Variants in NDUFA10 observed in about 807,000 individuals in gnomAD.
NDUFA10 encodes the protein NADH dehydrogenase [ubiquinone] 1 alpha subcomplex subunit 10, mitochondrial.
NDUFA10 carries 40 observed loss-of-function variants against 47.8 expected under a neutral mutation model. That is an observed-to-expected ratio of 0.84 (90% CI 0.65 to 1.09). The LOEUF (loss-of-function observed/expected upper bound fraction) is 1.09, where lower values mean the gene tolerates loss of function less well. Ranked by LOEUF, NDUFA10 falls within the 50% of genes least tolerant of loss-of-function variation. The pLI, the probability that NDUFA10 is intolerant of heterozygous loss-of-function variation, is 0.00. For missense variants in NDUFA10, 413 were observed against 451.1 expected, an observed-to-expected ratio of 0.92 and a Z score of 0.76; for synonymous variants, 183 against 172.2, an observed-to-expected ratio of 1.06 and a Z score of -0.49.
At chr2:239,937,973 G>A (rs1020994265) in intron 4 of NDUFA10, among the ~76,000 whole-genome samples, 11 of 152,158 alleles carry the variant, frequency 7.2e-5, no homozygotes, top group African/African-American at 2.7e-4. Flanking sequence ...ACCGAGCCAT[G>A]GTTTAAATCC....
chr2:239,981,062 C>G (rs536428798), intron 9 of NDUFA10, among the ~76,000 whole-genome samples: 1 of 152,376 alleles, frequency 6.6e-6, no homozygotes, highest in East Asian at 1.9e-4. Context: ...CCTCAGGAAT[C>G]TGAGGCCTGG....
chr2:239,965,414 C>T (rs1695018968), intron 9 of NDUFA10, among the ~76,000 whole-genome samples: 1 of 152,156 alleles, frequency 6.6e-6, no homozygotes, highest in Admixed American at 6.5e-5. Context: ...AATAAGCCTT[C>T]CACCCCCAAA....
At chr2:239,988,768 G>A (rs1329644936) in intron 9 of NDUFA10, among the ~76,000 whole-genome samples, 2 of 152,236 alleles carry the variant, frequency 1.3e-5, no homozygotes, top group Non-Finnish European at 1.5e-5. Flanking sequence ...GTTGATGCCA[G>A]GGAAGCAGCA....
rs1693653613 is a variant in NDUFA10, at chr2:239,906,241, T to C, written c.295-10927A>G. 6.6e-6 allele frequency among the ~76,000 whole-genome samples: 1 copy of C among 152,212 alleles called. No individual in the cohort carries two copies. The highest frequency in any genetic ancestry group is 2.4e-5 in the African/African-American group (1 of 41,440). On this transcript the variant is annotated intron_variant, in intron 4 of 5. Transcript: ENST00000419408. This position sits in a 1 kb window ranked among gnomAD's most constrained non-coding sequence, Gnocchi z 4.3. ...AATATTACCCGGAAGGAAGTCAGTA[T>C]ATAATTAAAAGTCATTTAATCATCT...
intron 9 of NDUFA10, chr2:239,969,329 C>T (rs1695216276): frequency 5.9e-6 from 1 of 169,300 alleles, no homozygotes; most frequent in Non-Finnish European, 1.3e-5. Context: ...AAACAGGATT[C>T]CTAAAACACA....
chr2:239,905,186 T>A (rs962798771), intron 4 of NDUFA10, among the ~76,000 whole-genome samples: 1 of 152,174 alleles, frequency 6.6e-6, no homozygotes, highest in Non-Finnish European at 1.5e-5. Flanking sequence ...TGCCCGGGCC[T>A]GTTGGGGTCC....
chr2:239,946,136 G>A (rs1321260754), intron 4 of NDUFA10, among the ~76,000 whole-genome samples: 1 of 152,140 alleles, frequency 6.6e-6, no homozygotes, highest in Non-Finnish European at 1.5e-5. Context: ...GTGACTTCTC[G>A]AAGTCGAGGA....
intron 1 of NDUFA10, among the ~76,000 whole-genome samples, chr2:240,023,808 C>A (rs1353744578): frequency 6.6e-6 from 1 of 152,196 alleles, no homozygotes; most frequent in Admixed American, 6.5e-5. Flanking sequence ...GCAAAGCAGA[C>A]AACCCAATTT....
At chr2:239,998,394 G>A (rs1696566790) in intron 8 of NDUFA10, among the ~76,000 whole-genome samples, 2 of 152,178 alleles carry the variant, frequency 1.3e-5, no homozygotes, top group South Asian at 2.1e-4. Flanking sequence ...TCCTAGGTTC[G>A]GATTTGCCTC....
chr2:240,024,735 G>C (rs1369587506), intron 1 of NDUFA10, among the ~76,000 whole-genome samples: 1 of 152,230 alleles, frequency 6.6e-6, no homozygotes, highest in Admixed American at 6.5e-5. Flanking sequence ...CGATTTCACT[G>C]AAGAAGGTGG....
At chr2:239,908,646 G>A (rs748871795) in intron 4 of NDUFA10, among the ~76,000 whole-genome samples, 3 of 152,204 alleles carry the variant, frequency 2.0e-5, no homozygotes, top group Non-Finnish European at 2.9e-5. Context: ...CCACCAATGC[G>A]CTGTTAGGAA....
chr2:239,947,817 G>A (rs940895682), intron 4 of NDUFA10, among the ~76,000 whole-genome samples: 1 of 152,180 alleles, frequency 6.6e-6, no homozygotes, highest in African/African-American at 2.4e-5. Context: ...CCACGGCAGC[G>A]ACATAACCTG....
At chr2:239,999,154 T>C (rs906073911) in intron 8 of NDUFA10, among the ~76,000 whole-genome samples, 1 of 152,240 alleles carries the variant, frequency 6.6e-6, no homozygotes, top group Non-Finnish European at 1.5e-5. Flanking sequence ...CTCTACTTTA[T>C]ATGAAAAACA....
chr2:240,025,091 G>A (rs1255293835), intron 1 of NDUFA10, 136 bp downstream of exon 1: 3 of 839,870 alleles, frequency 3.6e-6, no homozygotes, highest in Middle Eastern at 7.4e-4. Flanking sequence ...CCGGAGGCAG[G>A]AGGGGTCCCC....
chr2:239,912,666 G>A (rs1208907893), intron 4 of NDUFA10, among the ~76,000 whole-genome samples: 1 of 152,106 alleles, frequency 6.6e-6, no homozygotes, highest in Non-Finnish European at 1.5e-5. Flanking sequence ...CATGAGTTGG[G>A]GCCCACAATG....
chr2:239,943,718 C>G (rs1465834043), intron 4 of NDUFA10, among the ~76,000 whole-genome samples: 1 of 152,184 alleles, frequency 6.6e-6, no homozygotes, highest in Non-Finnish European at 1.5e-5. Flanking sequence ...TCAGCACCGA[C>G]CGCCCCTCCT....
In NDUFA10 at chr2:239,960,353, G is replaced by A. The variant is rs144208727; in HGVS notation, c.*765C>T. The A allele has an allele frequency of 3.2e-5, 32 of 985,474 alleles. 1 individual carries two copies. Among genetic ancestry groups the A allele is most frequent in the Middle Eastern group, 5.2e-4 (1 of 1,914 alleles). The allele number at this position is 985,474 out of a possible 1,614,324, so 61.0% of individuals were successfully genotyped here. Reference sequence around the variant, plus strand: ...CTTTCTCATTTCTCAGTTTTGACTGGCAACTTGATTTTCTGGGTAATAAAG... The same window carrying A: ...CTTTCTCATTTCTCAGTTTTGACTGACAACTTGATTTTCTGGGTAATAAAG... On this transcript the variant is annotated 3_prime_UTR_variant, in exon 10 of 10. Coordinates refer to ENST00000252711, the MANE Select transcript of NDUFA10 (RefSeq NM_004544.4).
intron 4 of NDUFA10, among the ~76,000 whole-genome samples, chr2:239,936,377 C>T (rs1694266260): frequency 6.6e-6 from 1 of 152,230 alleles, no homozygotes; most frequent in South Asian, 2.1e-4. Context: ...GGGAAATAAA[C>T]AGGCAGAGCA....
intron 1 of NDUFA10, among the ~76,000 whole-genome samples, chr2:240,024,691 C>G (rs77218560): frequency 6.8e-4 from 103 of 152,300 alleles, no homozygotes; most frequent in African/African-American, 2.4e-3. Flanking sequence ...CAGAATGTGA[C>G]AAAGCAATCC....
Sources: gnomAD v4.1 joint callset for allele counts (sites outside exome capture counted in the v4.1 genomes callset) on GRCh38, gnomAD v4.1.1 for gene constraint, Gnocchi (gnomAD v3.1) non-coding constraint, MANE v1.5 for transcripts, NCBI Gene and HGNC (gene_info 2026-07-23, HGNC 2026-07-21) for gene names.